RASAL3: variants seen among roughly 807,000 people sequenced by gnomAD.
RASAL3 encodes RAS protein activator like 3.
A neutral mutation model predicts 105.5 loss-of-function variants in RASAL3; 74 were observed. That is an observed-to-expected ratio of 0.70 (90% CI 0.58 to 0.85). The LOEUF (loss-of-function observed/expected upper bound fraction) is 0.85. RASAL3 is among the 40% of genes least tolerant of loss of function. The pLI is 0.00. For synonymous variants in RASAL3, 579 were observed against 591.6 expected (o/e 0.98, Z 0.31); for missense variants, 1,352 against 1,392.0 (o/e 0.97, Z 0.46).
At position 15,456,417 on chromosome 19, in the gene RASAL3, C is replaced by T. The variant is rs936878071; in HGVS notation, c.1576+85G>A. The T allele has an allele frequency of 3.2e-5, 50 of 1,563,540 alleles. No homozygotes were observed. Among genetic ancestry groups the T allele is most frequent in the Middle Eastern group, 3.4e-4 (2 of 5,958 alleles). On this transcript the variant is annotated intron_variant, in intron 10 of 17. Transcript: ENST00000343625. The surrounding 1 kb of genome is among the most constrained non-coding windows in gnomAD (Gnocchi z 4.4). ...CCAAAACACCACTCACTACCAGAATCCAGGTTGCTCAAGGACTCTTAGAAC... is the reference window on the plus strand; with the variant it reads ...CCAAAACACCACTCACTACCAGAATTCAGGTTGCTCAAGGACTCTTAGAAC...
chr19:15,457,534 C>CA lies in RASAL3; in HGVS notation c.1188dup (p.Ala397CysfsTer86). ...GGGAACCAGCGCTCCAGACCGGCGG[C>CA]AGGCGCGCGTGGGGCGTCCAGCTCC... On this transcript the variant is annotated frameshift_variant, in exon 9 of 18. Transcript: ENST00000343625. LOFTEE classifies it high-confidence loss of function. The surrounding 1 kb of genome is among the most constrained non-coding windows in gnomAD (Gnocchi z 8.6). 1.8e-6 allele frequency: 2 copies of CA among 1,129,512 alleles called. No individual in the cohort carries two copies. Among genetic ancestry groups the CA allele is most frequent in the Non-Finnish European group, 2.2e-6 (2 of 920,782 alleles). The allele number at this position is 1,129,512 out of a possible 1,614,324, so 70.0% of individuals were successfully genotyped here. A position where few individuals can be genotyped will look rare whatever the true frequency, so the allele number is the denominator to read the frequency against.
chr19:15,462,111 G>T (rs941708479), intron 2 of RASAL3, among the ~76,000 whole-genome samples: 14 of 152,050 alleles, frequency 9.2e-5, no homozygotes, highest in African/African-American at 3.4e-4. Flanking sequence ...CCAACATTTG[G>T]GAGGCCGAGG....
rs1164819510 is a variant in RASAL3, at chr19:15,461,457, G to A, written c.465+14C>T. On this transcript the variant is annotated intron_variant, in intron 3 of 17. Transcript: ENST00000343625. ...TTTCTTCCCTCCTCCCCTTTCCCAG[G>A]TGCCCCCTCTCACCTCCTCCTCTCC... The A allele has an allele frequency of 1.3e-6, 2 of 1,546,206 alleles. No individual in the cohort carries two copies. The highest frequency in any genetic ancestry group is 1.7e-6 in the Non-Finnish European group (2 of 1,144,460).
rs117200583 is a variant in RASAL3 at position 15,461,955 on chromosome 19, G to A, written c.329-348C>T. ...CACACAGTTTGTGAGTGGTTGGGCT[G>A]GGCTTCAGTCACAAGCATTCTTCTC... is the stretch of plus-strand genomic sequence containing the variant. On this transcript the variant is annotated intron_variant, in intron 2 of 17. Coordinates refer to ENST00000343625, the MANE Select transcript of RASAL3 (RefSeq NM_022904.3). Among the ~76,000 whole-genome samples, 20 of 152,292 alleles carry A rather than the reference G, an allele frequency of 1.3e-4. No individual in the cohort carries two copies. The East Asian group carries it at 3.9e-3, about 29-fold the overall frequency.
rs1970597815 is a variant in RASAL3, at chr19:15,464,111, A to G, written c.248T>C (p.Leu83Pro). Residue 83 changes from leucine (L) to proline (P), a missense_variant, in exon 2 of 18, where the codon CTT becomes CCT. Transcript: ENST00000343625. ...CCCCCAGAGGGCCTTGGAGAGTCGA[A>G]GGCGACTGGTCCGTGACTCCTTGGG... ...APPKESRTSR[L>P]RLSKALWGRH... The G allele has an allele frequency of 6.2e-7, 1 of 1,613,050 alleles. No individual in the cohort carries two copies. Among genetic ancestry groups the G allele is most frequent in the African/African-American group, 1.3e-5 (1 of 75,012 alleles).
At chr19:15,452,859 CTG>C (rs775872295) in intron 15 of RASAL3, 44 bp from the exon 16 acceptor site, 14 of 1,493,366 alleles carry the variant, frequency 9.4e-6, no homozygotes, top group Admixed American at 6.5e-5. Flanking sequence ...TGTCCCGCCC[CTG>C]TGTCTCCCCG....
In RASAL3 at chr19:15,453,389, A is replaced by G. The variant is rs1268241693; in HGVS notation, c.2388T>C (p.Ser796=). The G allele has an allele frequency of 2.7e-6, 4 of 1,476,142 alleles. No homozygotes were observed. The highest frequency in any genetic ancestry group is 3.1e-5 in the Admixed American group (1 of 32,386). The allele number at this position is 1,476,142 out of a possible 1,614,324, so 91.4% of individuals were successfully genotyped here. The part of the protein sequence containing the change: ...QSLRSVRRSE[S]WARPRPDEER... ...CTTCGTCCGGCCGTGGCCGGGCCCA[A>G]CTCTCTGAGCGGCGAACGCTGCGCA... The change falls in exon 15 of 18, where the codon AGT becomes AGC. Residue 796 remains serine, a synonymous_variant. Transcript: ENST00000343625. The surrounding 1 kb of genome is among the most constrained non-coding windows in gnomAD (Gnocchi z 4.2).
rs1970150407 is a variant in RASAL3, at chr19:15,451,678, ACCAGCAGCTCCACTCC to A, written c.*101_*116del. The A allele has an allele frequency of 1.8e-6, 2 of 1,123,214 alleles. No homozygotes were observed. Among genetic ancestry groups the A allele is most frequent in the Non-Finnish European group, 2.5e-6 (2 of 795,040 alleles). 69.6% of individuals were successfully genotyped at this position (1,123,214 alleles called of 1,614,324 possible). A position where few individuals can be genotyped will look rare whatever the true frequency, so the allele number is the denominator to read the frequency against. ...ACTTCATACTGCCAGAGTGGTTGGG[ACCAGCAGCTCCACTCC>A]CCACTGTAGGCCAAGTAGGGCTAAG... On this transcript the variant is annotated 3_prime_UTR_variant, in exon 18 of 18. Transcript: ENST00000343625.
intron 3 of RASAL3, 35 bp from the exon 4 acceptor site, chr19:15,461,331 GAGGC>G (rs566684232): frequency 1.7e-4 from 276 of 1,597,274 alleles, no homozygotes; most frequent in Non-Finnish European, 2.0e-4. Context: ...TCAGAGAGGG[GAGGC>G]AGGCAGGCAG....
At position 15,464,018 on chromosome 19, in the gene RASAL3, G is replaced by T; in HGVS notation, c.328+13C>A. 1 of 1,534,464 alleles carries T rather than the reference G, an allele frequency of 6.5e-7. No individual in the cohort carries two copies. Reference sequence around the variant, plus strand: ...CCAGCCCGGCCCAAGCTCAGGGTGGGGGAACCATGTACCTGGGGCCTCCTG... The same window carrying T: ...CCAGCCCGGCCCAAGCTCAGGGTGGTGGAACCATGTACCTGGGGCCTCCTG... On this transcript the variant is annotated intron_variant, in intron 2 of 17. Coordinates refer to ENST00000343625, the MANE Select transcript of RASAL3 (RefSeq NM_022904.3).
chr19:15,460,670 C>A (rs564769365), intron 5 of RASAL3, among the ~76,000 whole-genome samples: 3 of 152,214 alleles, frequency 2.0e-5, no homozygotes, highest in Non-Finnish European at 4.4e-5. Context: ...GTGTGAACCA[C>A]TGTGCCTGGC....
At position 15,456,359 on chromosome 19, in the gene RASAL3, G is replaced by A; in HGVS notation, c.1577-111C>T. 6.5e-7 allele frequency: 1 copy of A among 1,532,550 alleles called. No homozygotes were observed. The highest frequency in any genetic ancestry group is 8.8e-7 in the Non-Finnish European group (1 of 1,132,964). 94.9% of individuals were successfully genotyped at this position (1,532,550 alleles called of 1,614,324 possible). A position where few individuals can be genotyped will look rare whatever the true frequency, so the allele number is the denominator to read the frequency against. On this transcript the variant is annotated intron_variant, in intron 10 of 17. Coordinates refer to ENST00000343625, the MANE Select transcript of RASAL3 (RefSeq NM_022904.3). The surrounding 1 kb of genome is among the most constrained non-coding windows in gnomAD (Gnocchi z 4.4). ...TTCCGGAGGCACCCAACATCTTGGG[G>A]AGCTCCCAATTGTCCCCAGGATCCT...
In RASAL3 at chr19:15,452,693, G is replaced by GC. The variant is rs1180198546; in HGVS notation, c.2792dup (p.Gln932ProfsTer17). On this transcript the variant is annotated frameshift_variant, in exon 16 of 18. Coordinates refer to ENST00000343625, the MANE Select transcript of RASAL3 (RefSeq NM_022904.3). LOFTEE classifies it high-confidence loss of function. Reference sequence around the variant, plus strand: ...GCCTGGAGTCCAGATCCTGCAGCTGGCCCCGCAGCTGCTCCTGCTGCTCCG... The same window carrying GC: ...GCCTGGAGTCCAGATCCTGCAGCTGGCCCCCGCAGCTGCTCCTGCTGCTCCG... The GC allele has an allele frequency of 6.4e-7, 1 of 1,551,490 alleles. No individual in the cohort carries two copies. Among genetic ancestry groups the GC allele is most frequent in the Admixed American group, 2.0e-5 (1 of 51,118 alleles).
At chr19:15,458,931 T>G (rs1004303335) in intron 6 of RASAL3, among the ~76,000 whole-genome samples, 1 of 143,046 alleles carries the variant, frequency 7.0e-6, no homozygotes. Flanking sequence ...CCTTGTTTTA[T>G]TTTATCCTAT....
At chr19:15,454,986 A>AT (rs1970275158) in intron 11 of RASAL3, 93 bp from the exon 12 acceptor site, 1 of 915,246 alleles carries the variant, frequency 1.1e-6, no homozygotes, top group African/African-American at 1.7e-5. Flanking sequence ...GCACTGCATG[A>AT]TTGGTCCATG....
At chr19:15,461,333 G>A (rs1322906803) in intron 3 of RASAL3, 37 bp from the exon 4 acceptor site, 1 of 1,531,986 alleles carries the variant, frequency 6.5e-7, no homozygotes, top group Non-Finnish European at 8.9e-7. Flanking sequence ...AGAGAGGGGA[G>A]GCAGGCAGGC....
Position 15,461,465 on chromosome 19 carries a change from T to C in RASAL3, c.465+6A>G. On this transcript the variant is annotated splice_donor_region_variant and intron_variant, in intron 3 of 17. Coordinates refer to ENST00000343625, the MANE Select transcript of RASAL3 (RefSeq NM_022904.3). ...CTCCTCCCCTTTCCCAGGTGCCCCC[T>C]CTCACCTCCTCCTCTCCTCCAAGCA... 6.5e-7 allele frequency: 1 copy of C among 1,547,766 alleles called. No individual in the cohort carries two copies. The highest frequency in any genetic ancestry group is 8.7e-7 in the Non-Finnish European group (1 of 1,145,506).
intron 11 of RASAL3, among the ~76,000 whole-genome samples, chr19:15,455,755 G>A (rs1002239760): frequency 1.3e-5 from 2 of 152,196 alleles, no homozygotes; most frequent in Admixed American, 6.5e-5. Context: ...TGAATCCTGC[G>A]CTCAAGCGAT....
intron 6 of RASAL3, 123 bp from the exon 7 acceptor site, chr19:15,458,778 C>T (rs1415788138): frequency 8.4e-7 from 1 of 1,185,522 alleles, no homozygotes. Context: ...TCCCCCGTGC[C>T]CCCCCCACCC....
Sources: gnomAD v4.1 joint callset for allele counts (sites outside exome capture counted in the v4.1 genomes callset) on GRCh38, gnomAD v4.1.1 for gene constraint, Gnocchi (gnomAD v3.1) non-coding constraint, MANE v1.5 for transcripts, NCBI Gene and HGNC (gene_info 2026-07-23, HGNC 2026-07-21) for gene names.